Variants in SDC3 observed in about 807,000 individuals in gnomAD.
SDC3 encodes syndecan-3.
A neutral mutation model predicts 24.4 loss-of-function variants in SDC3; 13 were observed. The observed-to-expected ratio is 0.53, with a 90% confidence interval of 0.35 to 0.85. SDC3 has a LOEUF of 0.85. Among genes scored for constraint, SDC3 ranks in the 40% least tolerant of loss-of-function variants. SDC3 has a pLI of 0.01. For synonymous variants in SDC3, 295 were observed against 260.9 expected (o/e 1.13, Z -1.26); for missense variants, 571 against 584.5 (o/e 0.98, Z 0.24).
intron 1 of SDC3, among the ~76,000 whole-genome samples, chr1:30,899,150 A>G (rs566366694): frequency 6.1e-4 from 93 of 152,156 alleles, no homozygotes; most frequent in Non-Finnish European, 1.1e-3. Flanking sequence ...GCAGTGGCAC[A>G]ATCTCAGTTC....
At position 30,873,380 on chromosome 1, in the gene SDC3, G is replaced by A. The variant is rs1639576107; in HGVS notation, c.1163-3C>T. The A allele has an allele frequency of 1.9e-6, 3 of 1,612,924 alleles. No individual in the cohort carries two copies. Among genetic ancestry groups the A allele is most frequent in the South Asian group, 1.1e-5 (1 of 91,036 alleles). On this transcript the variant is annotated splice_region_variant and splice_polypyrimidine_tract_variant and intron_variant, in intron 4 of 4. Coordinates refer to ENST00000339394, the MANE Select transcript of SDC3 (RefSeq NM_014654.4). ...CACCACCCCGCCCACAATCACAGCT[G>A]TGGAAGAAGAGGGCACAGGTCAAGG... is the stretch of plus-strand genomic sequence containing the variant.
rs141616997 is a variant in SDC3, at chr1:30,874,528, C to T, written c.931G>A (p.Gly311Arg). The change falls in exon 4 of 5, where the codon GGG (glycine) becomes AGG (arginine). Residue 311 changes from glycine (G) to arginine (R), a missense_variant. Coordinates refer to ENST00000339394, the MANE Select transcript of SDC3 (RefSeq NM_014654.4). ...IRDEPEVPVS[G>R]GPSGDFELPE... ...AGCTCGAAGTCTCCACTGGGCCCCC[C>T]ACTCACCGGAACCTCTGGCTCATCC... 8.7e-6 allele frequency: 14 copies of T among 1,614,160 alleles called. No individual in the cohort carries two copies. The highest frequency in any genetic ancestry group is 2.2e-5 in the East Asian group (1 of 44,876).
chr1:30,890,802 C>T (rs1192267044), intron 1 of SDC3, among the ~76,000 whole-genome samples: 1 of 152,184 alleles, frequency 6.6e-6, no homozygotes, highest in African/African-American at 2.4e-5. Flanking sequence ...CTTGGCCCTG[C>T]TCACCTCCTC....
At chr1:30,890,065 C>G (rs571039867) in intron 1 of SDC3, among the ~76,000 whole-genome samples, 2 of 152,162 alleles carry the variant, frequency 1.3e-5, no homozygotes, top group African/African-American at 4.8e-5. Flanking sequence ...AATCCCAACA[C>G]TTTGGGAGGC....
chr1:30,901,324 G>A (rs997207651), intron 1 of SDC3, among the ~76,000 whole-genome samples: 4 of 152,186 alleles, frequency 2.6e-5, no homozygotes, highest in Admixed American at 6.5e-5. Context: ...GAGATCCTGC[G>A]TAAACATCAA....
intron 1 of SDC3, among the ~76,000 whole-genome samples, chr1:30,889,351 C>T (rs1237001853): frequency 6.6e-6 from 1 of 152,104 alleles, no homozygotes; most frequent in Non-Finnish European, 1.5e-5. Flanking sequence ...ATGATATGGC[C>T]CAGAGGGTCA....
upstream of SDC3, among the ~76,000 whole-genome samples, chr1:30,909,449 A>C (rs187890268): frequency 6.6e-6 from 1 of 152,294 alleles, no homozygotes; most frequent in Non-Finnish European, 1.5e-5. Context: ...TCTGAGACTC[A>C]GACCCCCCAT....
intron 2 of SDC3, chr1:30,877,407 C>G: frequency 1.6e-6 from 1 of 615,872 alleles, no homozygotes; most frequent in Non-Finnish European, 2.9e-6. Flanking sequence ...CCCGGGAAGC[C>G]TTCCTTGACT....
intron 1 of SDC3, among the ~76,000 whole-genome samples, chr1:30,888,224 G>A (rs540762243): frequency 2.6e-5 from 4 of 152,318 alleles, no homozygotes; most frequent in South Asian, 2.1e-4. Context: ...GAGCTCAGCC[G>A]GAGAGTCAGG....
In SDC3 at chr1:30,878,735, C is replaced by T; in HGVS notation, c.144G>A (p.Gln48=). ...LLLAGRAAGA[Q]RWRSENFERP... Reference sequence around the variant, plus strand: ...TCTCGAAGTTCTCACTGCGCCAGCGCTGGGCCTAGGGAAGGTAGAGGTGGA... The same window carrying T: ...TCTCGAAGTTCTCACTGCGCCAGCGTTGGGCCTAGGGAAGGTAGAGGTGGA... Residue 48 remains glutamine, a synonymous_variant, in exon 2 of 5, where the codon CAG becomes CAA. Transcript: ENST00000339394. 1 of 1,614,130 alleles carries T rather than the reference C, an allele frequency of 6.2e-7. No individual in the cohort carries two copies. Among genetic ancestry groups the T allele is most frequent in the Non-Finnish European group, 8.5e-7 (1 of 1,179,934 alleles).
intron 1 of SDC3, among the ~76,000 whole-genome samples, chr1:30,885,628 C>G (rs1054446478): frequency 5.3e-5 from 8 of 152,218 alleles, no homozygotes; most frequent in Non-Finnish European, 1.2e-4. Flanking sequence ...GAAATGAACA[C>G]AAAAGCCTCT....
At chr1:30,889,718 G>A (rs892539603) in intron 1 of SDC3, among the ~76,000 whole-genome samples, 3 of 152,310 alleles carry the variant, frequency 2.0e-5, no homozygotes, top group South Asian at 2.1e-4. Flanking sequence ...TGGCGAGGAC[G>A]TGGGGAAATC....
Position 30,869,852 on chromosome 1 carries a change from G to A in SDC3, c.*3359C>T, listed in dbSNP as rs1045234326. On this transcript the variant is annotated 3_prime_UTR_variant, in exon 5 of 5. Coordinates refer to ENST00000339394, the MANE Select transcript of SDC3 (RefSeq NM_014654.4). ...TCTTCAGGGGGCTCTCTGGAGCCAC[G>A]CTGCCTACGAAAAATATTTACATGC... is the stretch of plus-strand genomic sequence containing the variant. The A allele has an allele frequency of 3.5e-5, 14 of 398,462 alleles. No individual in the cohort carries two copies. The highest frequency in any genetic ancestry group is 2.8e-4 in the East Asian group (8 of 28,078). 24.7% of individuals were successfully genotyped at this position (398,462 alleles called of 1,614,324 possible).
chr1:30,900,330 G>A (rs540271882), intron 1 of SDC3, among the ~76,000 whole-genome samples: 8 of 152,180 alleles, frequency 5.3e-5, no homozygotes, highest in South Asian at 2.1e-4. Flanking sequence ...CATCTTCCTC[G>A]TCATCATCTG....
At chr1:30,891,189 G>T (rs1639898907) in intron 1 of SDC3, among the ~76,000 whole-genome samples, 1 of 152,196 alleles carries the variant, frequency 6.6e-6, no homozygotes, top group Non-Finnish European at 1.5e-5. Context: ...AGCCTATCAG[G>T]GTCCCAGTGG....
At chr1:30,880,390 G>C (rs1014128397) in intron 1 of SDC3, among the ~76,000 whole-genome samples, 10 of 150,756 alleles carry the variant, frequency 6.6e-5, no homozygotes, top group African/African-American at 2.2e-4. Flanking sequence ...TGGGCTGGGG[G>C]TACGAGAGAA....
At position 30,873,222 on chromosome 1, in the gene SDC3, ACTC is replaced by A. The variant is rs759274010; in HGVS notation, c.1315_1317del (p.Glu439del). On this transcript the variant is annotated inframe_deletion, in exon 5 of 5. Coordinates refer to ENST00000339394, the MANE Select transcript of SDC3 (RefSeq NM_014654.4). ...GCACTGTGGCTCCACTAGGCATAGA[ACTC>A]CTCCTGCTTGTCAGGCTTCTGGTAT... The A allele has an allele frequency of 6.2e-7, 1 of 1,612,724 alleles. No individual in the cohort carries two copies. Among genetic ancestry groups the A allele is most frequent in the Non-Finnish European group, 8.5e-7 (1 of 1,179,206 alleles).
chr1:30,884,009 G>A (rs901360584), intron 1 of SDC3, among the ~76,000 whole-genome samples: 1 of 152,128 alleles, frequency 6.6e-6, no homozygotes, highest in Non-Finnish European at 1.5e-5. Context: ...GTGGGCTGGG[G>A]CCAAGCTCCG....
intron 1 of SDC3, among the ~76,000 whole-genome samples, chr1:30,899,520 C>G (rs1253485210): frequency 6.6e-6 from 1 of 152,174 alleles, no homozygotes; most frequent in African/African-American, 2.4e-5. Flanking sequence ...ATTACAGGCA[C>G]CTGCCACCGC....
Sources: allele counts gnomAD v4.1 joint callset (sites outside exome capture counted in the v4.1 genomes callset), GRCh38; gene constraint gnomAD v4.1.1; transcripts MANE v1.5; gene names NCBI Gene and HGNC (gene_info 2026-07-23, HGNC 2026-07-21).